EPB41L4A: variants seen among roughly 807,000 people sequenced by gnomAD.
The protein encoded by EPB41L4A is erythrocyte membrane protein band 4.1 like 4A.
EPB41L4A carries 100 observed loss-of-function variants against 108.6 expected under a neutral mutation model. That is an observed-to-expected ratio of 0.92 (90% CI 0.78 to 1.09). The LOEUF is 1.09. EPB41L4A is among the 50% of genes least tolerant of loss of function. The pLI is 0.00. For synonymous variants in EPB41L4A, 319 were observed against 289.0 expected, an observed-to-expected ratio of 1.10 and a Z score of -1.05; for missense variants, 1,030 against 842.7, an observed-to-expected ratio of 1.22 and a Z score of -2.75.
intron 2 of EPB41L4A, among the ~76,000 whole-genome samples, chr5:112,298,340 T>C (rs568762777): frequency 2.0e-5 from 3 of 152,206 alleles, no homozygotes; most frequent in Non-Finnish European, 4.4e-5. Context: ...ATGGCTTTTA[T>C]TACATTGAGG....
At chr5:112,329,609 T>C (rs1370811714) in intron 1 of EPB41L4A, among the ~76,000 whole-genome samples, 1 of 152,176 alleles carries the variant, frequency 6.6e-6, no homozygotes, top group Non-Finnish European at 1.5e-5. Flanking sequence ...TGCCTTCCGG[T>C]TCATGGCTCG....
intron 2 of EPB41L4A, among the ~76,000 whole-genome samples, chr5:112,299,986 T>C (rs1754247153): frequency 6.6e-6 from 1 of 152,210 alleles, no homozygotes. Flanking sequence ...TTGGTGTCTA[T>C]TTGCATGGAA....
At chr5:112,234,818 G>A in intron 11 of EPB41L4A, 63 bp from the exon 12 acceptor site, 2 of 1,535,670 alleles carry the variant, frequency 1.3e-6, no homozygotes, top group Non-Finnish European at 1.8e-6. Context: ...TTAAACAACA[G>A]GTCATTCAGA....
chr5:112,209,219 A>G (rs1199182645), intron 13 of EPB41L4A, among the ~76,000 whole-genome samples: 1 of 152,240 alleles, frequency 6.6e-6, no homozygotes, highest in African/African-American at 2.4e-5. Flanking sequence ...CCCTATAGAG[A>G]AAGTGAGCTC....
chr5:112,248,213 C>A (rs979325655), intron 9 of EPB41L4A, among the ~76,000 whole-genome samples: 1 of 152,128 alleles, frequency 6.6e-6, no homozygotes, highest in East Asian at 1.9e-4. Flanking sequence ...GTACTTTTGC[C>A]ATGTAGAGTA....
At chr5:112,386,975 G>C (rs1164576736) in intron 1 of EPB41L4A, among the ~76,000 whole-genome samples, 1 of 152,198 alleles carries the variant, frequency 6.6e-6, no homozygotes, top group Admixed American at 6.5e-5. Flanking sequence ...CCCTGCTTTA[G>C]CTGAGTTGCT....
intron 1 of EPB41L4A, among the ~76,000 whole-genome samples, chr5:112,342,905 A>C (rs1378547073): frequency 6.6e-6 from 1 of 152,238 alleles, no homozygotes; most frequent in Non-Finnish European, 1.5e-5. Flanking sequence ...AATCCCTTAT[A>C]ACCTAGAAAC....
chr5:112,194,136 G>A (rs973511725), intron 17 of EPB41L4A, among the ~76,000 whole-genome samples: 1 of 148,284 alleles, frequency 6.7e-6, no homozygotes, highest in South Asian at 2.1e-4. Context: ...CATATTATTA[G>A]CATATATATA....
rs976724264 is a variant in EPB41L4A, at chr5:112,237,348, A to T, written c.965+2312T>A. Among the ~76,000 whole-genome samples the T allele has an allele frequency of 7.2e-5, 11 of 152,118 alleles. No homozygotes were observed. In the South Asian group the frequency reaches 2.3e-3, roughly 32 times the overall value. On this transcript the variant is annotated intron_variant, in intron 11 of 22. Transcript: ENST00000261486. ...CTAAAAAAAGTCCGATTTTTCCCTT[A>T]AGTAAGCACTAGTTTTCCCAAAAAG...
At chr5:112,237,604 G>T (rs770724106) in intron 11 of EPB41L4A, among the ~76,000 whole-genome samples, 2 of 152,182 alleles carry the variant, frequency 1.3e-5, no homozygotes, top group Non-Finnish European at 2.9e-5. Context: ...AGCCTGCAGG[G>T]TGAAAGGAAG....
chr5:112,322,730 A>C (rs1181522991), intron 1 of EPB41L4A, among the ~76,000 whole-genome samples: 3 of 146,522 alleles, frequency 2.0e-5, no homozygotes, highest in Non-Finnish European at 3.0e-5. Flanking sequence ...ACACACACTC[A>C]CACACACACC....
chr5:112,278,897 A>G (rs1752779122), intron 3 of EPB41L4A, among the ~76,000 whole-genome samples: 1 of 146,386 alleles, frequency 6.8e-6, no homozygotes, highest in Non-Finnish European at 1.5e-5. Context: ...TCTACTAAAA[A>G]TACAAAAAAA....
chr5:112,226,742 A>G (rs770905006), intron 12 of EPB41L4A, among the ~76,000 whole-genome samples: 9 of 152,016 alleles, frequency 5.9e-5, no homozygotes, highest in Non-Finnish European at 1.0e-4. Context: ...ATACTAGATG[A>G]TTCCATTTAT....
At chr5:112,240,656 T>G (rs954799430) in intron 10 of EPB41L4A, 63 bp downstream of exon 10, 1 of 923,446 alleles carries the variant, frequency 1.1e-6, no homozygotes, top group Non-Finnish European at 1.6e-6. Flanking sequence ...AGAATTCTTT[T>G]TATAAAAATA....
chr5:112,199,878 T>G (rs1762138545), intron 15 of EPB41L4A, among the ~76,000 whole-genome samples: 1 of 152,220 alleles, frequency 6.6e-6, no homozygotes, highest in South Asian at 2.1e-4. Context: ...CATGCTCCCA[T>G]TCTCTATTGC....
intron 2 of EPB41L4A, among the ~76,000 whole-genome samples, chr5:112,287,642 A>G (rs560539838): frequency 2.0e-5 from 3 of 152,272 alleles, no homozygotes; most frequent in East Asian, 3.9e-4. Flanking sequence ...AAGGCCTTCC[A>G]TGATCTGGCC....
In EPB41L4A at chr5:112,263,795, A is replaced by C. The variant is rs184963138; in HGVS notation, c.554+1101T>G. Reference sequence around the variant, plus strand: ...TTTAGGCAAACATTTTTTTGTGACCAGATTAATTCTACATTTTTTTCTTTT... The same window carrying C: ...TTTAGGCAAACATTTTTTTGTGACCCGATTAATTCTACATTTTTTTCTTTT... On this transcript the variant is annotated intron_variant, in intron 6 of 22. Transcript: ENST00000261486. The C allele has an allele frequency of 2.3e-3, 354 of 151,912 alleles. 10 individuals are homozygous for C. In the South Asian group the frequency reaches 0.054, roughly 23 times the overall value. 9.4% of individuals were successfully genotyped at this position (151,912 alleles called of 1,614,324 possible).
intron 12 of EPB41L4A, among the ~76,000 whole-genome samples, chr5:112,215,501 G>T (rs758927488): frequency 6.6e-6 from 1 of 152,098 alleles, no homozygotes; most frequent in East Asian, 1.9e-4. Flanking sequence ...GGTGGCTCAC[G>T]CCTGTAATCC....
chr5:112,177,776 A>G (rs7723060), intron 18 of EPB41L4A, among the ~76,000 whole-genome samples: 8,168 of 152,248 alleles, frequency 0.054, 555 homozygotes, highest in African/African-American at 0.16. Flanking sequence ...ACTGATAAGA[A>G]TCATACTTAC....
Sources: allele counts gnomAD v4.1 joint callset (sites outside exome capture counted in the v4.1 genomes callset), GRCh38; gene constraint gnomAD v4.1.1; transcripts MANE v1.5; gene names NCBI Gene and HGNC (gene_info 2026-07-23, HGNC 2026-07-21).